The following ASIC2 variants were observed in gnomAD, a reference collection of about 807,000 sequenced individuals.
ASIC2 encodes acid sensing ion channel subunit 2.
ASIC2 carries 25 observed loss-of-function variants against 57.3 expected under a neutral mutation model. That is an observed-to-expected ratio of 0.44 (90% CI 0.32 to 0.61). The LOEUF is 0.61. Among genes scored for constraint, ASIC2 ranks in the 20% least tolerant of loss-of-function variants. The probability of loss-of-function intolerance (pLI) is 0.06; values close to 1 mark genes in which losing one functional copy is unlikely to be tolerated. For synonymous variants in ASIC2, 319 were observed against 307.5 expected (o/e 1.04, Z -0.39); for missense variants, 641 against 738.1 (o/e 0.87, Z 1.52).
chr17:33,882,079 C>G (rs990815534), intron 1 of ASIC2, among the ~76,000 whole-genome samples: 1 of 152,174 alleles, frequency 6.6e-6, no homozygotes, highest in African/African-American at 2.4e-5. Context: ...GAAACTGGAT[C>G]CCTTCCTTAC....
intron 1 of ASIC2, among the ~76,000 whole-genome samples, chr17:33,430,962 G>A (rs886415747): frequency 6.6e-5 from 10 of 152,260 alleles, no homozygotes; most frequent in African/African-American, 2.2e-4. Context: ...ATATAAGCAG[G>A]TGAGGACAAA....
intron 1 of ASIC2, among the ~76,000 whole-genome samples, chr17:33,467,367 T>C (rs1912901880): frequency 2.0e-5 from 3 of 152,214 alleles, no homozygotes; most frequent in Non-Finnish European, 4.4e-5. Context: ...TGTCTTGGGG[T>C]AGGTTATGTA....
At chr17:33,247,981 C>T (rs556409140) in intron 1 of ASIC2, among the ~76,000 whole-genome samples, 3 of 152,156 alleles carry the variant, frequency 2.0e-5, no homozygotes, top group South Asian at 2.1e-4. Flanking sequence ...GATATATATT[C>T]GAACACAATA....
intron 1 of ASIC2, among the ~76,000 whole-genome samples, chr17:33,745,186 T>C (rs1157874809): frequency 6.6e-6 from 1 of 152,076 alleles, no homozygotes; most frequent in African/African-American, 2.4e-5. Context: ...CAGTTCCGCC[T>C]GATGAAAGGG....
At chr17:33,274,969 C>T (rs1285357392) in intron 1 of ASIC2, among the ~76,000 whole-genome samples, 2 of 152,122 alleles carry the variant, frequency 1.3e-5, no homozygotes, top group Admixed American at 6.5e-5. Flanking sequence ...TGAGGACAGA[C>T]ACCACCCCTC....
At chr17:33,770,757 A>T (rs956800533) in intron 1 of ASIC2, among the ~76,000 whole-genome samples, 7 of 152,306 alleles carry the variant, frequency 4.6e-5, no homozygotes, top group African/African-American at 1.7e-4. Flanking sequence ...ACTTTATAGC[A>T]TTAATGCTTT....
intron 3 of ASIC2, chr17:33,052,914 G>C (rs2091983055): frequency 6.6e-6 from 1 of 152,140 alleles, no homozygotes; most frequent in African/African-American, 2.4e-5. Flanking sequence ...TCCCCTGACT[G>C]AGTAGATGTG....
At chr17:33,489,858 G>C (rs560813959) in intron 1 of ASIC2, among the ~76,000 whole-genome samples, 2 of 152,154 alleles carry the variant, frequency 1.3e-5, no homozygotes, top group Non-Finnish European at 2.9e-5. Flanking sequence ...TCAGTCCTTG[G>C]AGAGTGTATC....
At chr17:34,104,346 C>G (rs1005237084) in intron 1 of ASIC2, among the ~76,000 whole-genome samples, 4 of 152,010 alleles carry the variant, frequency 2.6e-5, no homozygotes, top group Non-Finnish European at 4.4e-5. Flanking sequence ...TTTCTTTGTT[C>G]ATTCCTCAGG....
At chr17:33,271,944 C>T (rs935326853) in intron 1 of ASIC2, among the ~76,000 whole-genome samples, 4 of 152,256 alleles carry the variant, frequency 2.6e-5, no homozygotes, top group African/African-American at 9.6e-5. Context: ...GCTCATACCA[C>T]TGTCTTCCTC....
At chr17:33,355,654 G>C (rs1270128004) in intron 1 of ASIC2, among the ~76,000 whole-genome samples, 1 of 152,174 alleles carries the variant, frequency 6.6e-6, no homozygotes, top group African/African-American at 2.4e-5. Context: ...AACAACCCTT[G>C]ATAAATAGTA....
intron 1 of ASIC2, among the ~76,000 whole-genome samples, chr17:33,987,821 T>C (rs1905871668): frequency 6.6e-6 from 1 of 152,142 alleles, no homozygotes. Context: ...ATCATTAGGC[T>C]CAAGAAATAA....
chr17:33,703,503 C>G (rs1286096394), intron 1 of ASIC2, among the ~76,000 whole-genome samples: 9 of 152,108 alleles, frequency 5.9e-5, no homozygotes, highest in African/African-American at 2.2e-4. Flanking sequence ...CAGGCACAAG[C>G]CACCATGCCC....
At chr17:33,487,791 C>CTGGGCTGGTAGAAAGCATCTATCTAGG (rs1913623164) in intron 1 of ASIC2, among the ~76,000 whole-genome samples, 1 of 152,014 alleles carries the variant, frequency 6.6e-6, no homozygotes, top group African/African-American at 2.4e-5. Context: ...CTTTCTACCA[C>CTGGGCTGGTAGAAAGCATCTATCTAGG]GCTGGATGCT....
intron 1 of ASIC2, among the ~76,000 whole-genome samples, chr17:33,852,372 T>C (rs1913792555): frequency 6.6e-6 from 1 of 152,152 alleles, no homozygotes; most frequent in Admixed American, 6.5e-5. Flanking sequence ...TTACGTCCCC[T>C]TTCTGGTGGA....
At chr17:33,233,399 G>A (rs922828780) in intron 1 of ASIC2, among the ~76,000 whole-genome samples, 6 of 151,418 alleles carry the variant, frequency 4.0e-5, no homozygotes, top group Admixed American at 3.9e-4. Flanking sequence ...CTACACCACC[G>A]TGTGTGTCAC....
intron 3 of ASIC2, among the ~76,000 whole-genome samples, chr17:33,088,655 A>G (rs188455317): frequency 1.7e-3 from 262 of 152,362 alleles, no homozygotes; most frequent in South Asian, 8.1e-3. Flanking sequence ...GTTTGGTGAA[A>G]AGAAAAATGA....
chr17:34,082,789 T>C (rs960210415), intron 1 of ASIC2, among the ~76,000 whole-genome samples: 3 of 152,186 alleles, frequency 2.0e-5, no homozygotes, highest in Admixed American at 2.0e-4. Context: ...GCTTAGAAAA[T>C]TTAAGTAACC....
chr17:33,923,063 C>T (rs1005572536), intron 1 of ASIC2, among the ~76,000 whole-genome samples: 1 of 152,178 alleles, frequency 6.6e-6, no homozygotes, highest in Non-Finnish European at 1.5e-5. Flanking sequence ...CAGCAGCTTA[C>T]CCAGCAAACA....
Sources: gnomAD v4.1 joint callset for allele counts (sites outside exome capture counted in the v4.1 genomes callset) on GRCh38, gnomAD v4.1.1 for gene constraint, MANE v1.5 for transcripts, NCBI Gene and HGNC (gene_info 2026-07-23, HGNC 2026-07-21) for gene names.